The following GRID2 variants were observed in gnomAD, a reference collection of about 807,000 sequenced individuals.
GRID2 encodes glutamate ionotropic receptor delta type subunit 2.
Under a neutral mutation model 114.8 loss-of-function variants are expected in GRID2, and 33 were observed. The observed-to-expected ratio is 0.29, with a 90% CI of 0.22 to 0.38. The LOEUF is 0.38. Ranked by LOEUF, GRID2 falls within the 10% of genes least tolerant of loss-of-function variation. The pLI is 1.00. For synonymous variants in GRID2, 505 were observed against 449.9 expected (o/e 1.12, Z -1.55); for missense variants, 1,184 against 1,257.7 (o/e 0.94, Z 0.89).
At chr4:93,035,728 A>G (rs1317014115) in intron 2 of GRID2, among the ~76,000 whole-genome samples, 1 of 152,150 alleles carries the variant, frequency 6.6e-6, no homozygotes, top group Non-Finnish European at 1.5e-5. Flanking sequence ...GTTCTTTGCC[A>G]TATGGACCTC....
intron 8 of GRID2, among the ~76,000 whole-genome samples, chr4:93,244,494 AAT>A (rs1747922598): frequency 7.5e-5 from 4 of 53,166 alleles, no homozygotes; most frequent in African/African-American, 1.5e-4. Flanking sequence ...ATAATCTATT[AAT>A]TAATAGATTA....
At chr4:93,125,144 C>G (rs1301250604) in intron 4 of GRID2, among the ~76,000 whole-genome samples, 1 of 151,958 alleles carries the variant, frequency 6.6e-6, no homozygotes, top group Non-Finnish European at 1.5e-5. Flanking sequence ...ATTATCAATG[C>G]TTATTACATT....
intron 1 of GRID2, among the ~76,000 whole-genome samples, chr4:92,523,285 T>C (rs974601178): frequency 3.3e-4 from 50 of 152,154 alleles, no homozygotes; most frequent in African/African-American, 1.2e-3. Context: ...GTGGAAGATA[T>C]TTTTGACTTG....
intron 2 of GRID2, among the ~76,000 whole-genome samples, chr4:92,675,073 G>A (rs1448158406): frequency 6.6e-6 from 1 of 152,110 alleles, no homozygotes; most frequent in African/African-American, 2.4e-5. Context: ...AAAATGGTTG[G>A]ATTTTGTTCT....
intron 11 of GRID2, among the ~76,000 whole-genome samples, chr4:93,478,961 A>C (rs1451987027): frequency 5.9e-5 from 9 of 152,084 alleles, no homozygotes; most frequent in Non-Finnish European, 1.2e-4. Context: ...ACCAACTGAA[A>C]TAACAATTAT....
intron 2 of GRID2, among the ~76,000 whole-genome samples, chr4:93,061,324 G>T (rs1352741251): frequency 6.6e-6 from 1 of 151,250 alleles, no homozygotes; most frequent in Non-Finnish European, 1.5e-5. Flanking sequence ...AGCTCAGATG[G>T]GCTTCACATG....
chr4:93,033,944 T>G (rs751563725), intron 2 of GRID2, among the ~76,000 whole-genome samples: 2 of 152,154 alleles, frequency 1.3e-5, no homozygotes, highest in African/African-American at 4.8e-5. Flanking sequence ...GAAAAACACA[T>G]AGTCATAGAA....
chr4:93,575,062 G>A (rs886750114), intron 13 of GRID2, among the ~76,000 whole-genome samples: 10 of 152,064 alleles, frequency 6.6e-5, no homozygotes, highest in Non-Finnish European at 1.2e-4. Flanking sequence ...AGTGGTTCAG[G>A]GATCTTAGGA....
chr4:92,890,065 G>T (rs907053091), intron 2 of GRID2, among the ~76,000 whole-genome samples: 3 of 152,152 alleles, frequency 2.0e-5, no homozygotes, highest in African/African-American at 7.2e-5. Context: ...CTAGCCATAT[G>T]CAGAAAGCTG....
At chr4:93,606,580 G>A (rs1452185372) in intron 13 of GRID2, among the ~76,000 whole-genome samples, 2 of 152,132 alleles carry the variant, frequency 1.3e-5, no homozygotes, top group Admixed American at 1.3e-4. Flanking sequence ...CCTATTAACA[G>A]TGGTTGGGAA....
intron 5 of GRID2, among the ~76,000 whole-genome samples, chr4:93,212,949 T>A (rs1365634723): frequency 6.6e-6 from 1 of 151,970 alleles, no homozygotes; most frequent in Non-Finnish European, 1.5e-5. Flanking sequence ...ATTTTTGTAT[T>A]TTTAGTAGAA....
intron 1 of GRID2, among the ~76,000 whole-genome samples, chr4:92,486,547 TCACA>T (rs72216440): frequency 0.18 from 24,946 of 136,936 alleles, 2,100 homozygotes; most frequent in Middle Eastern, 0.25. Context: ...TCTCTCTCTT[TCACA>T]CACACACACA....
intron 11 of GRID2, among the ~76,000 whole-genome samples, chr4:93,462,672 G>T (rs1723858937): frequency 6.6e-6 from 1 of 152,148 alleles, no homozygotes; most frequent in Non-Finnish European, 1.5e-5. Flanking sequence ...GTTGATGGGA[G>T]ACCATCTCTT....
intron 8 of GRID2, among the ~76,000 whole-genome samples, chr4:93,252,969 G>A (rs184630273): frequency 3.3e-5 from 5 of 152,144 alleles, no homozygotes; most frequent in Admixed American, 3.3e-4. Context: ...TAAAACTCAG[G>A]CCGGACGAAG....
intron 1 of GRID2, among the ~76,000 whole-genome samples, chr4:92,524,407 C>CTTTTTTTTTTTT (rs869060153): frequency 2.4e-4 from 26 of 106,552 alleles, no homozygotes; most frequent in Non-Finnish European, 3.5e-4. Flanking sequence ...ATTTCCTTGT[C>CTTTTTTTTTTTT]TTTTTTTTTT....
intron 13 of GRID2, among the ~76,000 whole-genome samples, chr4:93,594,431 A>G (rs187047519): frequency 2.4e-4 from 37 of 152,202 alleles, no homozygotes; most frequent in African/African-American, 5.5e-4. Flanking sequence ...CCAGCTGCGT[A>G]CTGGGAGAAC....
chr4:92,461,174 C>T (rs148740833), intron 1 of GRID2, among the ~76,000 whole-genome samples: 83 of 151,824 alleles, frequency 5.5e-4, no homozygotes, highest in Non-Finnish European at 1.0e-3. Flanking sequence ...ATCAGGTATA[C>T]TTATGAAACA....
At chr4:93,765,085 C>T (rs1014849428) in intron 14 of GRID2, among the ~76,000 whole-genome samples, 8 of 152,136 alleles carry the variant, frequency 5.3e-5, no homozygotes, top group African/African-American at 1.9e-4. Flanking sequence ...TATAAGAATT[C>T]ATCCTATTCA....
At chr4:93,143,866 T>G (rs1470994947) in intron 4 of GRID2, among the ~76,000 whole-genome samples, 1 of 152,172 alleles carries the variant, frequency 6.6e-6, no homozygotes. Context: ...GCATTGCATA[T>G]GAGCCATGTT....
Sources: allele counts gnomAD v4.1 joint callset (sites outside exome capture counted in the v4.1 genomes callset), GRCh38; gene constraint gnomAD v4.1.1; transcripts MANE v1.5; gene names NCBI Gene and HGNC (gene_info 2026-07-23, HGNC 2026-07-21).